The following ZFYVE9 variants were observed in gnomAD, a reference collection of about 807,000 sequenced individuals.
ZFYVE9 encodes zinc finger FYVE domain-containing protein 9.
Under a neutral mutation model 126.7 loss-of-function variants are expected in ZFYVE9, and 43 were observed. That is an observed-to-expected ratio of 0.34 (90% CI 0.27 to 0.44). The LOEUF (loss-of-function observed/expected upper bound fraction) is 0.44. ZFYVE9 is among the 20% of genes least tolerant of loss of function. The pLI, the probability that ZFYVE9 is intolerant of heterozygous loss-of-function variation, is 1.00. For missense variants in ZFYVE9, 1,476 were observed against 1,697.0 expected, an observed-to-expected ratio of 0.87 and a Z score of 2.29; for synonymous variants, 521 against 597.4, an observed-to-expected ratio of 0.87 and a Z score of 1.87.
At chr1:52,343,763 CA>C (rs369691890) in intron 17 of ZFYVE9, among the ~76,000 whole-genome samples, 7,209 of 124,750 alleles carry the variant, frequency 0.058, 367 homozygotes, top group East Asian at 0.14. Flanking sequence ...GACTCCATCT[CA>C]AAAAAAAAAT....
chr1:52,162,521 C>T (rs562352719), intron 1 of ZFYVE9: 1 of 262,750 alleles, frequency 3.8e-6, no homozygotes, highest in African/African-American at 2.3e-5. Flanking sequence ...CATCTATTCC[C>T]TAAAAATGCA....
chr1:52,232,387 A>G (rs1197821676), intron 2 of ZFYVE9, among the ~76,000 whole-genome samples: 1 of 152,166 alleles, frequency 6.6e-6, no homozygotes, highest in Non-Finnish European at 1.5e-5. Flanking sequence ...TGGATCGATT[A>G]ACATTAAAGA....
intron 7 of ZFYVE9, among the ~76,000 whole-genome samples, chr1:52,272,526 C>G (rs532929883): frequency 6.6e-6 from 1 of 152,246 alleles, no homozygotes; most frequent in East Asian, 1.9e-4. Context: ...TGAGATTTAT[C>G]CATATGCATC....
At chr1:52,291,116 T>G (rs1471607869) in intron 10 of ZFYVE9, among the ~76,000 whole-genome samples, 18 of 152,252 alleles carry the variant, frequency 1.2e-4, no homozygotes, top group Non-Finnish European at 2.6e-4. Context: ...CAGCCAGACC[T>G]GGGTAATCCT....
chr1:52,263,753 T>TTGGGGG lies in ZFYVE9; in HGVS notation c.2179-20_2179-19insTGGGGG. The TTGGGGG allele has an allele frequency of 1.5e-5, 11 of 713,588 alleles. No homozygotes were observed. Among genetic ancestry groups the TTGGGGG allele is most frequent in the African/African-American group, 4.7e-5 (1 of 21,054 alleles). The allele number at this position is 713,588 out of a possible 1,614,324, so 44.2% of individuals were successfully genotyped here. ...ATCCCAAGTAAATTTTGTGTGTTCT[T>TTGGGGG]CCCCCCCCCCCCCCCACAGGTTTTC... On this transcript the variant is annotated intron_variant, in intron 4 of 18. Transcript: ENST00000287727.
intron 2 of ZFYVE9, among the ~76,000 whole-genome samples, chr1:52,224,063 G>T (rs1329546989): frequency 6.6e-6 from 1 of 152,082 alleles, no homozygotes; most frequent in Non-Finnish European, 1.5e-5. Context: ...AGTTAAGGGG[G>T]CATTTACAAA....
intron 13 of ZFYVE9, among the ~76,000 whole-genome samples, chr1:52,309,159 A>G (rs1002691498): frequency 7.2e-5 from 11 of 152,174 alleles, no homozygotes; most frequent in Non-Finnish European, 1.5e-4. Context: ...TTTGAAATGG[A>G]TAATGAATGA....
chr1:52,226,525 G>T (rs1299630339), intron 2 of ZFYVE9, among the ~76,000 whole-genome samples: 1 of 152,138 alleles, frequency 6.6e-6, no homozygotes, highest in African/African-American at 2.4e-5. Context: ...AGCAGAGTGA[G>T]ACTCTGTCTC....
At chr1:52,259,921 C>T (rs1645562693) in intron 4 of ZFYVE9, among the ~76,000 whole-genome samples, 1 of 152,098 alleles carries the variant, frequency 6.6e-6, no homozygotes, top group Non-Finnish European at 1.5e-5. Flanking sequence ...AACGGGATTC[C>T]ATTTTATGGG....
At chr1:52,319,312 A>G (rs914921035) in intron 13 of ZFYVE9, among the ~76,000 whole-genome samples, 6 of 152,100 alleles carry the variant, frequency 3.9e-5, no homozygotes, top group Non-Finnish European at 7.4e-5. Context: ...CCCAATCAAA[A>G]TACGAGTAGG....
intron 17 of ZFYVE9, 136 bp downstream of exon 17, chr1:52,340,367 A>G (rs1646423400): frequency 1.2e-5 from 8 of 654,568 alleles, no homozygotes; most frequent in South Asian, 5.9e-5. Flanking sequence ...TTATACTACA[A>G]TTCCTATCTG....
intron 13 of ZFYVE9, among the ~76,000 whole-genome samples, chr1:52,331,390 G>C (rs1646339106): frequency 6.6e-6 from 1 of 151,614 alleles, no homozygotes; most frequent in South Asian, 2.1e-4. Flanking sequence ...GAGGTGGGAG[G>C]ATCACCTGAG....
chr1:52,301,776 G>A (rs1359733097), intron 12 of ZFYVE9, among the ~76,000 whole-genome samples: 1 of 152,120 alleles, frequency 6.6e-6, no homozygotes, highest in African/African-American at 2.4e-5. Context: ...TTCTCTCCCT[G>A]AAGGAGATTA....
intron 1 of ZFYVE9, among the ~76,000 whole-genome samples, chr1:52,144,397 A>G (rs1644289522): frequency 1.3e-5 from 2 of 152,110 alleles, no homozygotes; most frequent in Non-Finnish European, 2.9e-5. Context: ...TGCTTGTTAT[A>G]TATATAAGTA....
chr1:52,300,822 T>C (rs1646025823), intron 12 of ZFYVE9, among the ~76,000 whole-genome samples: 1 of 151,614 alleles, frequency 6.6e-6, no homozygotes, highest in South Asian at 2.1e-4. Flanking sequence ...CTTTTGGTGG[T>C]TGGAGAAGTC....
At chr1:52,180,878 G>A (rs1396429983) in intron 1 of ZFYVE9, among the ~76,000 whole-genome samples, 1 of 151,244 alleles carries the variant, frequency 6.6e-6, no homozygotes, top group Non-Finnish European at 1.5e-5. Flanking sequence ...AGGAGGCTGA[G>A]GCAGGAGAAT....
At chr1:52,269,937 C>T (rs1475383217) in intron 7 of ZFYVE9, among the ~76,000 whole-genome samples, 1 of 152,046 alleles carries the variant, frequency 6.6e-6, no homozygotes, top group Non-Finnish European at 1.5e-5. Context: ...GTAGGCAAGC[C>T]TGGCCACAAC....
At chr1:52,278,971 C>A (rs1460170072) in intron 9 of ZFYVE9, among the ~76,000 whole-genome samples, 2 of 151,898 alleles carry the variant, frequency 1.3e-5, no homozygotes, top group African/African-American at 4.8e-5. Context: ...GATCTCCTGA[C>A]CTGGTGATCC....
At chr1:52,279,014 C>T (rs1645776484) in intron 9 of ZFYVE9, among the ~76,000 whole-genome samples, 1 of 152,068 alleles carries the variant, frequency 6.6e-6, no homozygotes, top group Non-Finnish European at 1.5e-5. Context: ...GCTGGGATTA[C>T]AGGCATGAGC....
Sources: allele counts gnomAD v4.1 joint callset (sites outside exome capture counted in the v4.1 genomes callset), GRCh38; gene constraint gnomAD v4.1.1; transcripts MANE v1.5; gene names NCBI Gene and HGNC (gene_info 2026-07-23, HGNC 2026-07-21).